NRXN1: variants seen among roughly 807,000 people sequenced by gnomAD.
NRXN1 encodes neurexin 1, also known as neurexin-1.
Under a neutral mutation model 150.9 loss-of-function variants are expected in NRXN1, and 39 were observed. The observed-to-expected ratio is 0.26, with a 90% CI of 0.20 to 0.34. The LOEUF (loss-of-function observed/expected upper bound fraction) is 0.34. Among genes scored for constraint, NRXN1 ranks in the 10% least tolerant of loss-of-function variants. The probability of loss-of-function intolerance (pLI) is 1.00; values close to 1 mark genes in which losing one functional copy is unlikely to be tolerated. For synonymous variants in NRXN1, 924 were observed against 757.0 expected (o/e 1.22, Z -3.62); for missense variants, 1,815 against 1,949.9 (o/e 0.93, Z 1.30).
chr2:50,514,405 T>C (rs573300924), intron 12 of NRXN1, among the ~76,000 whole-genome samples: 3 of 152,354 alleles, frequency 2.0e-5, no homozygotes, highest in African/African-American at 7.2e-5. Context: ...GTTTATCCCA[T>C]TTAGCTACTC....
intron 17 of NRXN1, among the ~76,000 whole-genome samples, chr2:50,299,111 G>T (rs1179370754): frequency 6.6e-6 from 1 of 152,162 alleles, no homozygotes; most frequent in Admixed American, 6.5e-5. Flanking sequence ...TTCAGGAAAT[G>T]GCTTATTTAT....
intron 16 of NRXN1, among the ~76,000 whole-genome samples, chr2:50,471,534 T>C (rs62134980): frequency 0.33 from 50,168 of 151,682 alleles, 10,073 homozygotes; most frequent in Middle Eastern, 0.47. Context: ...ATTCCATATA[T>C]CTGTAATTAT....
At chr2:50,678,282 C>G (rs1314890458) in intron 5 of NRXN1, among the ~76,000 whole-genome samples, 1 of 152,108 alleles carries the variant, frequency 6.6e-6, no homozygotes, top group Non-Finnish European at 1.5e-5. Context: ...ATACACAAGG[C>G]TGTATTACAA....
chr2:50,027,696 A>C (rs1330271353), intron 21 of NRXN1, among the ~76,000 whole-genome samples: 2 of 152,066 alleles, frequency 1.3e-5, no homozygotes, highest in African/African-American at 4.8e-5. Context: ...CCTCTCAAAG[A>C]GTGGGAATAT....
chr2:50,692,653 G>A (rs1015551803), intron 5 of NRXN1, among the ~76,000 whole-genome samples: 16 of 152,006 alleles, frequency 1.1e-4, no homozygotes, highest in African/African-American at 3.9e-4. Flanking sequence ...CGTTAGATTT[G>A]CCAGCAATAA....
chr2:50,488,803 A>G (rs1035577122), intron 15 of NRXN1, among the ~76,000 whole-genome samples: 6 of 152,218 alleles, frequency 3.9e-5, no homozygotes, highest in Admixed American at 2.0e-4. Flanking sequence ...ATATTGTCAG[A>G]TATCTGCCTT....
chr2:50,628,076 G>C lies in NRXN1; in HGVS notation c.833-4461C>G, dbSNP rs112656371. 3.2e-4 allele frequency among the ~76,000 whole-genome samples: 48 copies of C among 151,806 alleles called. 1 individual carries two copies. The highest frequency in any genetic ancestry group is 1.1e-3 in the African/African-American group (46 of 41,492). On this transcript the variant is annotated intron_variant, in intron 5 of 22. Coordinates refer to ENST00000401669, the MANE Select transcript of NRXN1 (RefSeq NM_001330078.2). Reference sequence around the variant, plus strand: ...AAAGTTTTGGAGCTTGAAGAGTTTTGGTCCAGTAAGAAGGCTGTAGAATTT... The same window carrying C: ...AAAGTTTTGGAGCTTGAAGAGTTTTCGTCCAGTAAGAAGGCTGTAGAATTT...
intron 2 of NRXN1, among the ~76,000 whole-genome samples, chr2:50,928,018 T>G (rs1046296363): frequency 6.6e-6 from 1 of 151,964 alleles, no homozygotes. Context: ...TCTCCTTTCA[T>G]GACCATAGAT....
At chr2:50,407,647 C>G (rs1471411306) in intron 17 of NRXN1, among the ~76,000 whole-genome samples, 1 of 151,944 alleles carries the variant, frequency 6.6e-6, no homozygotes. Context: ...GGGGTGGTAG[C>G]TGTATAAAAA....
chr2:50,713,096 T>C (rs547273094), intron 5 of NRXN1, among the ~76,000 whole-genome samples: 1 of 152,244 alleles, frequency 6.6e-6, no homozygotes, highest in African/African-American at 2.4e-5. Context: ...GAAGATCACT[T>C]GAGGCCAGGA....
At chr2:50,221,410 C>T (rs1247761641) in intron 18 of NRXN1, among the ~76,000 whole-genome samples, 2 of 152,122 alleles carry the variant, frequency 1.3e-5, no homozygotes, top group South Asian at 2.1e-4. Flanking sequence ...ACGGCATTAA[C>T]AAATATTCTT....
At chr2:50,252,368 C>T (rs1233272797) in intron 17 of NRXN1, among the ~76,000 whole-genome samples, 3 of 149,170 alleles carry the variant, frequency 2.0e-5, no homozygotes, top group Admixed American at 6.8e-5. Context: ...AAGTGATTCT[C>T]CTGCCTCAGC....
At chr2:50,032,336 T>C (rs559209230) in intron 21 of NRXN1, among the ~76,000 whole-genome samples, 1 of 152,188 alleles carries the variant, frequency 6.6e-6, no homozygotes, top group East Asian at 1.9e-4. Context: ...ATTGTGATAC[T>C]GCTAGCATTA....
chr2:50,239,693 TA>T (rs2065823281), intron 17 of NRXN1, among the ~76,000 whole-genome samples: 1 of 113,342 alleles, frequency 8.8e-6, no homozygotes, highest in African/African-American at 3.8e-5. Context: ...TATATATATA[TA>T]TATATATATA....
At chr2:50,794,294 C>A (rs1706476798) in intron 5 of NRXN1, among the ~76,000 whole-genome samples, 1 of 152,064 alleles carries the variant, frequency 6.6e-6, no homozygotes, top group African/African-American at 2.4e-5. Context: ...TTAAAATCTA[C>A]CATTAGTTAT....
intron 5 of NRXN1, among the ~76,000 whole-genome samples, chr2:50,770,342 ATG>A (rs1702865341): frequency 1.3e-5 from 2 of 151,440 alleles, no homozygotes; most frequent in African/African-American, 4.9e-5. Flanking sequence ...ATATATATAT[ATG>A]ATAGATGATA....
intron 5 of NRXN1, among the ~76,000 whole-genome samples, chr2:50,741,670 T>C (rs10184594): frequency 0.39 from 59,177 of 151,890 alleles, 12,295 homozygotes; most frequent in African/African-American, 0.53. Context: ...TGTGCCTCAG[T>C]TTATGAGGTT....
chr2:50,989,913 T>C (rs1257411338), intron 2 of NRXN1, among the ~76,000 whole-genome samples: 4 of 152,198 alleles, frequency 2.6e-5, no homozygotes, highest in East Asian at 3.9e-4. Flanking sequence ...AAAACAACTT[T>C]ATCATTTCTC....
intron 5 of NRXN1, among the ~76,000 whole-genome samples, chr2:50,901,846 G>A (rs1422977179): frequency 6.6e-6 from 1 of 152,274 alleles, no homozygotes; most frequent in Non-Finnish European, 1.5e-5. Context: ...TCACTAAATA[G>A]GTTTTCAAGC....
Sources: allele counts gnomAD v4.1 joint callset (sites outside exome capture counted in the v4.1 genomes callset), GRCh38; gene constraint gnomAD v4.1.1; transcripts MANE v1.5; gene names NCBI Gene and HGNC (gene_info 2026-07-23, HGNC 2026-07-21).